CTNND2: variants seen among roughly 807,000 people sequenced by gnomAD.
CTNND2 encodes catenin delta-2.
Under a neutral mutation model 144.4 loss-of-function variants are expected in CTNND2, and 22 were observed. That is an observed-to-expected ratio of 0.15 (90% CI 0.11 to 0.22). The LOEUF is 0.22. CTNND2 is among the 10% of genes least tolerant of loss of function. The probability of loss-of-function intolerance (pLI) is 1.00; values close to 1 mark genes in which losing one functional copy is unlikely to be tolerated. For missense variants in CTNND2, 1,353 were observed against 1,618.8 expected (o/e 0.84, Z 2.82); for synonymous variants, 751 against 695.6 (o/e 1.08, Z -1.25).
intron 3 of CTNND2, among the ~76,000 whole-genome samples, chr5:11,454,311 T>C (rs559785048): frequency 2.0e-5 from 3 of 152,034 alleles, no homozygotes; most frequent in Admixed American, 6.5e-5. Flanking sequence ...TCCCAGCTAC[T>C]AGGGAGGTTG....
At chr5:11,479,766 T>A (rs1386825219) in intron 3 of CTNND2, among the ~76,000 whole-genome samples, 1 of 152,202 alleles carries the variant, frequency 6.6e-6, no homozygotes, top group Admixed American at 6.5e-5. Context: ...CTGAGCTTTT[T>A]TTTTTTCATA....
At chr5:11,344,432 G>C (rs1754572983) in intron 9 of CTNND2, among the ~76,000 whole-genome samples, 1 of 151,612 alleles carries the variant, frequency 6.6e-6, no homozygotes, top group African/African-American at 2.4e-5. Context: ...TTAATTTTAA[G>C]AAAACCCGAC....
At chr5:11,125,228 C>T (rs1196958553) in intron 12 of CTNND2, among the ~76,000 whole-genome samples, 2 of 152,206 alleles carry the variant, frequency 1.3e-5, no homozygotes, top group African/African-American at 2.4e-5. Context: ...CACAGCCTCT[C>T]TCTCTAGGTG....
intron 5 of CTNND2, among the ~76,000 whole-genome samples, chr5:11,404,395 G>A (rs1760896623): frequency 6.6e-6 from 1 of 151,974 alleles, no homozygotes; most frequent in Non-Finnish European, 1.5e-5. Context: ...TTTCTGACTA[G>A]AATGTAAATG....
At chr5:11,622,952 T>A (rs1780928146) in intron 2 of CTNND2, among the ~76,000 whole-genome samples, 1 of 152,196 alleles carries the variant, frequency 6.6e-6, no homozygotes, top group East Asian at 1.9e-4. Flanking sequence ...CTACTATGAC[T>A]ATATCCTTCA....
intron 1 of CTNND2, among the ~76,000 whole-genome samples, chr5:11,879,648 A>AT (rs1735881821): frequency 6.6e-6 from 1 of 152,096 alleles, no homozygotes; most frequent in Non-Finnish European, 1.5e-5. Context: ...TCTCGTTTCT[A>AT]TTTTATGTAC....
At chr5:11,794,658 G>C (rs1056090855) in intron 1 of CTNND2, among the ~76,000 whole-genome samples, 6 of 152,202 alleles carry the variant, frequency 3.9e-5, no homozygotes, top group African/African-American at 1.4e-4. Flanking sequence ...AAGATGATTA[G>C]TTGCAAGCCA....
intron 2 of CTNND2, among the ~76,000 whole-genome samples, chr5:11,620,826 C>G (rs912073939): frequency 6.6e-5 from 10 of 152,178 alleles, no homozygotes; most frequent in African/African-American, 2.4e-4. Flanking sequence ...TGCCAGGTGA[C>G]ACTTAGCCTA....
intron 1 of CTNND2, among the ~76,000 whole-genome samples, chr5:11,873,526 C>A (rs938494442): frequency 7.9e-5 from 12 of 152,098 alleles, no homozygotes; most frequent in Admixed American, 7.9e-4. Flanking sequence ...TTTTATTGAC[C>A]GTCTGTGAGT....
At chr5:11,540,204 A>C (rs553656756) in intron 3 of CTNND2, among the ~76,000 whole-genome samples, 12 of 152,246 alleles carry the variant, frequency 7.9e-5, no homozygotes, top group Non-Finnish European at 1.5e-4. Context: ...CGACATTCCA[A>C]GTGTGCCCTC....
chr5:11,105,521 G>A (rs527356807), intron 14 of CTNND2, among the ~76,000 whole-genome samples: 11 of 145,368 alleles, frequency 7.6e-5, no homozygotes, highest in Admixed American at 3.4e-4. Context: ...GACCAGTGCC[G>A]AAGCCGAGAG....
At chr5:11,740,115 C>A (rs144554079) in intron 1 of CTNND2, among the ~76,000 whole-genome samples, 2,003 of 152,220 alleles carry the variant, frequency 0.013, 36 homozygotes, top group African/African-American at 0.042. Flanking sequence ...TCATACTGCC[C>A]AAGGTAATTT....
At chr5:11,283,334 A>T (rs1468482080) in intron 9 of CTNND2, among the ~76,000 whole-genome samples, 1 of 152,056 alleles carries the variant, frequency 6.6e-6, no homozygotes, top group Non-Finnish European at 1.5e-5. Context: ...CATGATACCA[A>T]AGAGATATGT....
At chr5:11,231,237 C>A (rs1035370058) in intron 10 of CTNND2, among the ~76,000 whole-genome samples, 1 of 152,088 alleles carries the variant, frequency 6.6e-6, no homozygotes, top group African/African-American at 2.4e-5. Context: ...TAATAAATAA[C>A]CCAGTCTTGA....
chr5:11,759,480 C>A (rs1789135877), intron 1 of CTNND2, among the ~76,000 whole-genome samples: 1 of 152,018 alleles, frequency 6.6e-6, no homozygotes, highest in African/African-American at 2.4e-5. Context: ...GGTAGTTATA[C>A]AGATTTTTGT....
chr5:11,253,020 T>G (rs146206655), intron 9 of CTNND2, among the ~76,000 whole-genome samples: 11 of 152,322 alleles, frequency 7.2e-5, no homozygotes, highest in Admixed American at 7.2e-4. Context: ...CAAATAAATA[T>G]CTCTGCTATG....
intron 16 of CTNND2, among the ~76,000 whole-genome samples, chr5:11,047,783 T>A (rs1745423659): frequency 6.6e-6 from 1 of 152,110 alleles, no homozygotes. Flanking sequence ...AAATACCAGC[T>A]CTTGGGACTG....
chr5:11,074,707 C>G (rs757966589), intron 16 of CTNND2, among the ~76,000 whole-genome samples: 1 of 152,186 alleles, frequency 6.6e-6, no homozygotes, highest in Non-Finnish European at 1.5e-5. Flanking sequence ...AAAAACATTT[C>G]TCACTAAGTA....
At position 10,988,261 on chromosome 5, in the gene CTNND2, A is replaced by AG. The variant is rs767517698; in HGVS notation, c.3212-20dup. On this transcript the variant is annotated intron_variant, in intron 19 of 21. Transcript: ENST00000304623. The surrounding 1 kb of genome is among the most constrained non-coding windows in gnomAD (Gnocchi z 5.9). ...GCACTTGCTACATAAAGAAATCAAA[A>AG]GGGGGATTTTCTGCATCTCATCCCA... The AG allele has an allele frequency of 6.2e-7, 1 of 1,613,994 alleles. No individual in the cohort carries two copies. The highest frequency in any genetic ancestry group is 8.5e-7 in the Non-Finnish European group (1 of 1,179,926).
Sources: allele counts gnomAD v4.1 joint callset (sites outside exome capture counted in the v4.1 genomes callset), GRCh38; gene constraint gnomAD v4.1.1; non-coding constraint Gnocchi (gnomAD v3.1); transcripts MANE v1.5; gene names NCBI Gene and HGNC (gene_info 2026-07-23, HGNC 2026-07-21).